Variants in WWOX observed in about 807,000 individuals in gnomAD.
The protein encoded by WWOX is WW domain containing oxidoreductase, also known as WW domain-containing oxidoreductase.
WWOX carries 69 observed loss-of-function variants against 46.2 expected under a neutral mutation model. The ratio of observed to expected loss-of-function variants is 1.49; its 90% CI spans 1.23 to 1.82. The LOEUF (loss-of-function observed/expected upper bound fraction) is 1.82. Ranked by LOEUF, WWOX falls within the 40% of genes most tolerant of loss-of-function variation. WWOX has a pLI of 0.00. For synonymous variants in WWOX, 359 were observed against 202.6 expected (o/e 1.77, Z -6.56); for missense variants, 919 against 542.6 (o/e 1.69, Z -6.89).
At chr16:78,433,843 G>A (rs1319134791) in intron 8 of WWOX, among the ~76,000 whole-genome samples, 1 of 135,000 alleles carries the variant, frequency 7.4e-6, no homozygotes, top group Non-Finnish European at 1.5e-5. Flanking sequence ...AGGCTGGAGT[G>A]CAGTGGCGGG....
intron 8 of WWOX, among the ~76,000 whole-genome samples, chr16:78,836,549 T>A (rs60139965): frequency 0.12 from 18,395 of 152,192 alleles, 1,114 homozygotes; most frequent in East Asian, 0.2. Context: ...CTATGTTGTT[T>A]GGGAGGAAAG....
chr16:78,508,709 G>C (rs1302049073), intron 8 of WWOX, among the ~76,000 whole-genome samples: 1 of 152,170 alleles, frequency 6.6e-6, no homozygotes, highest in African/African-American at 2.4e-5. Flanking sequence ...TGGTCATGGA[G>C]AAAGAGTTGG....
At chr16:78,179,293 A>C (rs1302178965) in intron 5 of WWOX, among the ~76,000 whole-genome samples, 3 of 152,178 alleles carry the variant, frequency 2.0e-5, no homozygotes, top group Non-Finnish European at 2.9e-5. Flanking sequence ...TGAATTAGTA[A>C]AGTCATTTGT....
At chr16:78,563,869 C>G (rs1003162457) in intron 8 of WWOX, among the ~76,000 whole-genome samples, 2 of 145,236 alleles carry the variant, frequency 1.4e-5, no homozygotes, top group African/African-American at 5.0e-5. Context: ...AGGTGAAGTT[C>G]GTTTGTCCAC....
chr16:78,408,116 T>G (rs575260014), intron 6 of WWOX, among the ~76,000 whole-genome samples: 4 of 152,272 alleles, frequency 2.6e-5, no homozygotes, highest in African/African-American at 9.6e-5. Context: ...CACTTCCAAG[T>G]TGAAGACAGT....
intron 6 of WWOX, among the ~76,000 whole-genome samples, chr16:78,402,114 A>T (rs2082426813): frequency 6.6e-6 from 1 of 152,246 alleles, no homozygotes; most frequent in Admixed American, 6.5e-5. Flanking sequence ...AAGAAATCTC[A>T]TAACAATTAG....
chr16:78,963,781 C>T (rs185059880), intron 8 of WWOX, among the ~76,000 whole-genome samples: 135 of 152,298 alleles, frequency 8.9e-4, no homozygotes, highest in African/African-American at 2.9e-3. Flanking sequence ...TACTGACTTG[C>T]TGATATGCTT....
intron 8 of WWOX, among the ~76,000 whole-genome samples, chr16:79,036,036 A>G (rs1472293695): frequency 1.3e-5 from 2 of 152,130 alleles, no homozygotes; most frequent in East Asian, 1.9e-4. Flanking sequence ...CATACTCAGC[A>G]CAGTCCACCT....
intron 8 of WWOX, among the ~76,000 whole-genome samples, chr16:78,545,728 C>T (rs1358500643): frequency 6.6e-6 from 1 of 152,190 alleles, no homozygotes; most frequent in Non-Finnish European, 1.5e-5. Context: ...TACTGTCTCA[C>T]AGTTCTGGAG....
intron 8 of WWOX, among the ~76,000 whole-genome samples, chr16:79,066,219 C>T (rs901860902): frequency 6.6e-6 from 1 of 152,178 alleles, no homozygotes; most frequent in African/African-American, 2.4e-5. Context: ...ACGTTCCTTC[C>T]AGAGAGGCCT....
At chr16:78,328,108 A>G (rs1388508955) in intron 5 of WWOX, among the ~76,000 whole-genome samples, 1 of 152,042 alleles carries the variant, frequency 6.6e-6, no homozygotes, top group Non-Finnish European at 1.5e-5. Flanking sequence ...TCCTGGCCTC[A>G]TGTGATTGCC....
intron 8 of WWOX, among the ~76,000 whole-genome samples, chr16:78,887,956 A>G (rs1028261110): frequency 6.6e-6 from 1 of 152,230 alleles, no homozygotes; most frequent in Non-Finnish European, 1.5e-5. Flanking sequence ...TCACTCTGAC[A>G]AACAATTTCT....
At chr16:79,149,943 C>A (rs2050246552) in intron 8 of WWOX, among the ~76,000 whole-genome samples, 1 of 152,216 alleles carries the variant, frequency 6.6e-6, no homozygotes, top group African/African-American at 2.4e-5. Flanking sequence ...AAAAGGGACT[C>A]TCAGATGCCG....
chr16:78,374,939 G>T (rs2081785174), intron 5 of WWOX, among the ~76,000 whole-genome samples: 2 of 152,146 alleles, frequency 1.3e-5, no homozygotes, highest in African/African-American at 4.8e-5. Context: ...GCCTACCTCG[G>T]CCTCCCAAAG....
intron 8 of WWOX, among the ~76,000 whole-genome samples, chr16:78,603,837 A>T (rs2151620523): frequency 6.6e-6 from 1 of 152,310 alleles, no homozygotes; most frequent in Admixed American, 6.5e-5. Context: ...CAGTGTCAGT[A>T]GACTCTCTCA....
intron 6 of WWOX, among the ~76,000 whole-genome samples, chr16:78,390,157 T>G (rs974437727): frequency 6.6e-6 from 1 of 152,216 alleles, no homozygotes; most frequent in Non-Finnish European, 1.5e-5. Flanking sequence ...TGCCTCTTGT[T>G]CTTTTCCTCA....
At chr16:78,979,027 G>A (rs969552934) in intron 8 of WWOX, among the ~76,000 whole-genome samples, 3 of 151,244 alleles carry the variant, frequency 2.0e-5, no homozygotes, top group African/African-American at 4.9e-5. Context: ...ACCTTCATCA[G>A]CATCTGCTCT....
chr16:78,845,979 C>G (rs929775659), intron 8 of WWOX, among the ~76,000 whole-genome samples: 6 of 152,280 alleles, frequency 3.9e-5, no homozygotes, highest in East Asian at 1.9e-4. Context: ...GTGGCCTAAT[C>G]CAGTCTGAAC....
At chr16:78,971,479 G>C (rs2046469407) in intron 8 of WWOX, among the ~76,000 whole-genome samples, 3 of 145,188 alleles carry the variant, frequency 2.1e-5, no homozygotes, top group African/African-American at 7.7e-5. Flanking sequence ...AAAAAAGAGA[G>C]AGATAGGCTG....
Sources: allele counts gnomAD v4.1 joint callset (sites outside exome capture counted in the v4.1 genomes callset), GRCh38; gene constraint gnomAD v4.1.1; transcripts MANE v1.5; gene names NCBI Gene and HGNC (gene_info 2026-07-23, HGNC 2026-07-21).